Variants in SEMA3A observed in about 807,000 individuals in gnomAD.
SEMA3A encodes the protein semaphorin 3A, also known as semaphorin-3A.
Under a neutral mutation model 97.9 loss-of-function variants are expected in SEMA3A, and 29 were observed. The ratio of observed to expected loss-of-function variants is 0.30; its 90% confidence interval spans 0.22 to 0.40. SEMA3A has a LOEUF of 0.40. Ranked by LOEUF, SEMA3A falls within the 10% of genes least tolerant of loss-of-function variation. The pLI is 1.00. For synonymous variants in SEMA3A, 321 were observed against 323.7 expected (o/e 0.99, Z 0.09); for missense variants, 763 against 951.3 (o/e 0.80, Z 2.60).
intron 1 of SEMA3A, among the ~76,000 whole-genome samples, chr7:84,389,433 T>C (rs959911375): frequency 2.0e-5 from 3 of 152,086 alleles, no homozygotes; most frequent in Non-Finnish European, 4.4e-5. Context: ...ACGGCTTTTA[T>C]GGTTTCATTT....
At chr7:84,293,571 A>G (rs1184072316) in intron 3 of SEMA3A, among the ~76,000 whole-genome samples, 2 of 152,014 alleles carry the variant, frequency 1.3e-5, no homozygotes, top group African/African-American at 2.4e-5. Context: ...TTTAAAAACA[A>G]CATTAAATTC....
At chr7:84,154,620 G>A (rs1269774825) in intron 1 of SEMA3A, among the ~76,000 whole-genome samples, 1 of 148,508 alleles carries the variant, frequency 6.7e-6, no homozygotes, top group Non-Finnish European at 1.5e-5. Context: ...AGGTTGCAGT[G>A]AGCCAAGATC....
chr7:83,984,199 A>C (rs764520503), intron 13 of SEMA3A, among the ~76,000 whole-genome samples: 2 of 152,154 alleles, frequency 1.3e-5, no homozygotes, highest in Non-Finnish European at 2.9e-5. Context: ...TAAATAAATA[A>C]TTTTAAAAAT....
At chr7:84,067,189 T>A (rs1477255596) in intron 4 of SEMA3A, among the ~76,000 whole-genome samples, 1 of 152,168 alleles carries the variant, frequency 6.6e-6, no homozygotes, top group East Asian at 1.9e-4. Context: ...CCTTATTTAA[T>A]AAATGGTGCT....
At chr7:84,055,344 G>T (rs1351887896) in intron 5 of SEMA3A, among the ~76,000 whole-genome samples, 2 of 152,228 alleles carry the variant, frequency 1.3e-5, no homozygotes, top group Non-Finnish European at 2.9e-5. Context: ...TGCTGTGCTA[G>T]CAATCAGCGA....
intron 3 of SEMA3A, among the ~76,000 whole-genome samples, chr7:84,282,059 C>T (rs190750992): frequency 6.6e-6 from 1 of 152,204 alleles, no homozygotes; most frequent in East Asian, 1.9e-4. Context: ...TTCAGAATCA[C>T]CTGAGCCCTT....
At chr7:84,481,518 T>A (rs534302130) in intron 1 of SEMA3A, among the ~76,000 whole-genome samples, 2 of 152,316 alleles carry the variant, frequency 1.3e-5, no homozygotes, top group South Asian at 2.1e-4. Flanking sequence ...GCATAAACTT[T>A]ATATATCTCT....
intron 7 of SEMA3A, 130 bp from the exon 8 acceptor site, chr7:84,011,427 T>G: frequency 1.5e-6 from 1 of 660,252 alleles, no homozygotes; most frequent in Non-Finnish European, 2.6e-6. Flanking sequence ...CTAATCATTT[T>G]AAATGACCAG....
chr7:84,441,697 A>C (rs1012745655), intron 1 of SEMA3A, among the ~76,000 whole-genome samples: 17 of 152,182 alleles, frequency 1.1e-4, no homozygotes, highest in African/African-American at 4.1e-4. Context: ...TGAACTTCAA[A>C]TGTGATGAAT....
At chr7:84,213,073 G>A (rs890944487) in intron 3 of SEMA3A, among the ~76,000 whole-genome samples, 2 of 152,058 alleles carry the variant, frequency 1.3e-5, no homozygotes, top group African/African-American at 2.4e-5. Flanking sequence ...AGGGTTCAGG[G>A]TTCAAGCGAT....
chr7:83,984,282 AT>A (rs1345119412), intron 13 of SEMA3A, among the ~76,000 whole-genome samples: 5 of 152,090 alleles, frequency 3.3e-5, no homozygotes, highest in African/African-American at 1.2e-4. Context: ...ACCTCTAACA[AT>A]TTTCAGATTA....
chr7:84,444,351 T>C (rs1004417018), intron 1 of SEMA3A, among the ~76,000 whole-genome samples: 3 of 152,142 alleles, frequency 2.0e-5, no homozygotes, highest in African/African-American at 7.2e-5. Context: ...GTGTCACCCA[T>C]TGAGTGAAAA....
intron 2 of SEMA3A, among the ~76,000 whole-genome samples, chr7:84,340,035 T>A (rs1446858220): frequency 1.3e-5 from 2 of 152,158 alleles, no homozygotes; most frequent in African/African-American, 4.8e-5. Flanking sequence ...GAAAATTTAA[T>A]GAATTTTAGC....
chr7:84,383,007 G>A (rs943563313), intron 1 of SEMA3A, among the ~76,000 whole-genome samples: 16 of 150,690 alleles, frequency 1.1e-4, no homozygotes, highest in Admixed American at 8.0e-4. Flanking sequence ...TAATAGGTAC[G>A]TGTAAAGGTA....
chr7:84,472,622 T>C (rs1806183640), intron 1 of SEMA3A, among the ~76,000 whole-genome samples: 1 of 152,144 alleles, frequency 6.6e-6, no homozygotes, highest in Non-Finnish European at 1.5e-5. Flanking sequence ...CCTTTAAATA[T>C]TTTAGAGCTA....
At chr7:84,074,366 G>C (rs117366555) in intron 4 of SEMA3A, among the ~76,000 whole-genome samples, 68 of 152,198 alleles carry the variant, frequency 4.5e-4, no homozygotes, top group Non-Finnish European at 9.3e-4. Flanking sequence ...ATACATTGTG[G>C]GAAGATGCAA....
At chr7:84,395,667 T>C (rs1341030597) in intron 1 of SEMA3A, among the ~76,000 whole-genome samples, 2 of 151,980 alleles carry the variant, frequency 1.3e-5, no homozygotes, top group Admixed American at 6.6e-5. Context: ...TCTAATGAGT[T>C]CTGATGGTTT....
In SEMA3A at chr7:84,484,664, G is replaced by A. The variant is rs1487403342; in HGVS notation, c.-246+7796C>T. 2.0e-5 allele frequency among the ~76,000 whole-genome samples: 3 copies of A among 151,972 alleles called. No individual in the cohort carries two copies. In the East Asian group the frequency reaches 5.8e-4, roughly 29 times the overall value. Reference sequence around the variant, plus strand: ...TTTTATGTAAAAATATAGCATTTCCGACTGGTGACATCATCTTTAGCATTA... The same window carrying A: ...TTTTATGTAAAAATATAGCATTTCCAACTGGTGACATCATCTTTAGCATTA... On this transcript the variant is annotated intron_variant, in intron 1 of 3. Coordinates refer to the SEMA3A transcript ENST00000424555.
At chr7:84,089,748 T>G (rs1485900752) in intron 4 of SEMA3A, among the ~76,000 whole-genome samples, 1 of 152,052 alleles carries the variant, frequency 6.6e-6, no homozygotes, top group Non-Finnish European at 1.5e-5. Flanking sequence ...TTGGTAAATA[T>G]ATGTATACAG....
Sources: gnomAD v4.1 joint callset for allele counts (sites outside exome capture counted in the v4.1 genomes callset) on GRCh38, gnomAD v4.1.1 for gene constraint, MANE v1.5 for transcripts, NCBI Gene and HGNC (gene_info 2026-07-23, HGNC 2026-07-21) for gene names.